RNF112: variants seen among roughly 807,000 people sequenced by gnomAD.
RNF112 encodes ring finger protein 112, also known as brain finger protein.
A neutral mutation model predicts 64.7 loss-of-function variants in RNF112; 34 were observed. That is an observed-to-expected ratio of 0.53 (90% CI 0.40 to 0.70). RNF112 has a LOEUF of 0.70. RNF112 is among the 30% of genes least tolerant of loss of function. The probability of loss-of-function intolerance (pLI) is 0.00; values close to 1 mark genes in which losing one functional copy is unlikely to be tolerated. For synonymous variants in RNF112, 345 were observed against 344.5 expected, an observed-to-expected ratio of 1.00 and a Z score of -0.02; for missense variants, 734 against 850.0, an observed-to-expected ratio of 0.86 and a Z score of 1.70.
rs369839165 is a variant in RNF112 at position 19,413,300 on chromosome 17, G to A, written c.609G>A (p.Arg203=). 6.6e-5 allele frequency: 107 copies of A among 1,611,448 alleles called. No individual in the cohort carries two copies. Among genetic ancestry groups the A allele is most frequent in the Non-Finnish European group, 8.7e-5 (103 of 1,178,448 alleles). ...LPGLESGEGG[R]PRGGEASLQG... is the part of the protein sequence containing the mutation. Reference sequence around the variant, plus strand: ...TGCAGGAGTCTGGTGAGGGCGGCCGGCCAAGAGGAGGAGAGGCATCCCTGC... The same window carrying A: ...TGCAGGAGTCTGGTGAGGGCGGCCGACCAAGAGGAGGAGAGGCATCCCTGC... The change falls in exon 5 of 14, where the codon CGG becomes CGA. Residue 203 remains arginine, a synonymous_variant. Coordinates refer to ENST00000461366, the MANE Select transcript of RNF112 (RefSeq NM_007148.5). This position sits in a 1 kb window ranked among gnomAD's most constrained non-coding sequence, Gnocchi z 5.9.
rs1913864049 is a variant in RNF112, at chr17:19,415,716, C to G, written c.1437C>G (p.Thr479=). 1 of 1,608,530 alleles carries G rather than the reference C, an allele frequency of 6.2e-7. No homozygotes were observed. The highest frequency in any genetic ancestry group is 1.3e-5 in the African/African-American group (1 of 74,808). ...EEYVRQQDVA[T]KRIFSALRVL... ...CCTCCCTGTCACAGGACGTAGCCACCAAGCGCATATTCTCTGCGCTGCGGG... is the reference window on the plus strand; with the variant it reads ...CCTCCCTGTCACAGGACGTAGCCACGAAGCGCATATTCTCTGCGCTGCGGG... The change falls in exon 14 of 14, where the codon ACC becomes ACG. Residue 479 remains threonine (T), a synonymous_variant. Transcript: ENST00000461366. This position sits in a 1 kb window ranked among gnomAD's most constrained non-coding sequence, Gnocchi z 7.8.
rs1598137986 is a variant in RNF112 at position 19,416,277 on chromosome 17, T to C, written c.*102T>C. ...TGCCAGGGATTCCAAGGCACCGCCATGTACTGCACTGCCCTGGTCGAATGC... is the reference window on the plus strand; with the variant it reads ...TGCCAGGGATTCCAAGGCACCGCCACGTACTGCACTGCCCTGGTCGAATGC... On this transcript the variant is annotated 3_prime_UTR_variant, in exon 14 of 14. Transcript: ENST00000461366. 3 of 1,075,736 alleles carry C rather than the reference T, an allele frequency of 2.8e-6. No individual in the cohort carries two copies. The highest frequency in any genetic ancestry group is 2.6e-5 in the East Asian group (1 of 38,412). The allele number at this position is 1,075,736 out of a possible 1,614,324, so 66.6% of individuals were successfully genotyped here. A position where few individuals can be genotyped will look rare whatever the true frequency, so the allele number is the denominator to read the frequency against.
rs1567937426 is a variant in RNF112, at chr17:19,415,942, G to GGGGGTGCTGTGT, written c.1666_1667insGTGCTGTGTGGG (p.Gly555_Ala556insGlyAlaValTrp). ...CCTAGCTGCTGTGGGGGGTGCTGTG[G>GGGGGTGCTGTGT]GGGCCGGGCTCATGGGCCTGGCAGG... is the stretch of plus-strand genomic sequence containing the variant. On this transcript the variant is annotated inframe_insertion, in exon 14 of 14. Coordinates refer to ENST00000461366, the MANE Select transcript of RNF112 (RefSeq NM_007148.5). This position sits in a 1 kb window ranked among gnomAD's most constrained non-coding sequence, Gnocchi z 7.8. The GGGGGTGCTGTGT allele has an allele frequency of 6.2e-7, 1 of 1,606,066 alleles. No homozygotes were observed. Among genetic ancestry groups the GGGGGTGCTGTGT allele is most frequent in the South Asian group, 1.1e-5 (1 of 90,190 alleles).
rs1913776872 is a variant in RNF112 at position 19,414,106 on chromosome 17, C to G, written c.837C>G (p.Thr279=). The change falls in exon 7 of 14, where the codon ACC becomes ACG. Residue 279 remains threonine (T), a synonymous_variant. Coordinates refer to ENST00000461366, the MANE Select transcript of RNF112 (RefSeq NM_007148.5). ...CTCTCTGATTCCAGATCCTCAGCAC[C>G]TCCCAGGAGCTGAAGGATACAGACC... The part of the protein sequence containing the change: ...TMLSSYQILS[T]SQELKDTDLD... 6.2e-7 allele frequency: 1 copy of G among 1,602,908 alleles called. No homozygotes were observed. Among genetic ancestry groups the G allele is most frequent in the African/African-American group, 1.3e-5 (1 of 74,762 alleles).
In RNF112 at chr17:19,413,914, C is replaced by T. The variant is rs1676290152; in HGVS notation, c.826-181C>T. Among the ~76,000 whole-genome samples the T allele has an allele frequency of 6.6e-6, 1 of 152,186 alleles. No homozygotes were observed. The highest frequency in any genetic ancestry group is 1.5e-5 in the Non-Finnish European group (1 of 68,008). The stretch of plus-strand genomic sequence containing the variant: ...AAGACCTGATGGATCACATTACCCT[C>T]CAGGCTTGTCTCCGGCCTTGAGGCC... On this transcript the variant is annotated intron_variant, in intron 6 of 13. Transcript: ENST00000461366. This position sits in a 1 kb window ranked among gnomAD's most constrained non-coding sequence, Gnocchi z 5.9.
In RNF112 at chr17:19,415,250, C is replaced by T. The variant is rs1913834138; in HGVS notation, c.1297-36C>T. 6.3e-7 allele frequency: 1 copy of T among 1,596,656 alleles called. No homozygotes were observed. The highest frequency in any genetic ancestry group is 1.4e-5 in the African/African-American group (1 of 73,584). On this transcript the variant is annotated intron_variant, in intron 11 of 13. Transcript: ENST00000461366. This position sits in a 1 kb window ranked among gnomAD's most constrained non-coding sequence, Gnocchi z 7.8. ...AGACCCAGGCGACTCGGCTGGGCCCCTGCTCTCCCTGACCCCAGCGATGGT... is the reference window on the plus strand; with the variant it reads ...AGACCCAGGCGACTCGGCTGGGCCCTTGCTCTCCCTGACCCCAGCGATGGT...
In RNF112 at chr17:19,414,615, C is replaced by A. The variant is rs1225650722; in HGVS notation, c.963C>A (p.Ser321=). 3.1e-6 allele frequency: 5 copies of A among 1,613,668 alleles called. No individual in the cohort carries two copies. The South Asian group carries it at 5.5e-5, about 18-fold the overall frequency. Residue 321 remains serine, a synonymous_variant, in exon 9 of 14, where the codon TCC becomes TCA. Coordinates refer to ENST00000461366, the MANE Select transcript of RNF112 (RefSeq NM_007148.5). ...QHLDLLVRDS[S]HPNKAGQGHV... is the part of the protein sequence containing the mutation. ...TGGACCTCTTAGTTCGTGACTCATCCCACCCCAACAAGGCAGGGCAGGGGC... is the reference window on the plus strand; with the variant it reads ...TGGACCTCTTAGTTCGTGACTCATCACACCCCAACAAGGCAGGGCAGGGGC...
In RNF112 at chr17:19,413,952, C is replaced by A. The variant is rs1913771601; in HGVS notation, c.826-143C>A. 4.3e-6 allele frequency: 3 copies of A among 694,566 alleles called. No homozygotes were observed. 43.0% of individuals were successfully genotyped at this position (694,566 alleles called of 1,614,324 possible). On this transcript the variant is annotated intron_variant, in intron 6 of 13. Coordinates refer to ENST00000461366, the MANE Select transcript of RNF112 (RefSeq NM_007148.5). This position sits in a 1 kb window ranked among gnomAD's most constrained non-coding sequence, Gnocchi z 5.9. ...CGGCCTTGAGGCCAGCCCAGCCCTG[C>A]AGCCTTCGAGGCCCCCATACTGGCC... is the stretch of plus-strand genomic sequence containing the variant.
Position 19,412,836 on chromosome 17 carries a change from C to A in RNF112, c.381+53C>A, listed in dbSNP as rs1266564097. On this transcript the variant is annotated intron_variant, in intron 3 of 13. Coordinates refer to ENST00000461366, the MANE Select transcript of RNF112 (RefSeq NM_007148.5). This position sits in a 1 kb window ranked among gnomAD's most constrained non-coding sequence, Gnocchi z 5.1. ...ACCCAAGAGGAGGGGGTGGCTTTGG[C>A]CCTATTCTAGAACATCAGGACACAG... The A allele has an allele frequency of 3.8e-6, 6 of 1,591,754 alleles. No homozygotes were observed. The highest frequency in any genetic ancestry group is 5.1e-6 in the Non-Finnish European group (6 of 1,173,088).
At position 19,412,735 on chromosome 17, in the gene RNF112, C is replaced by A. The variant is rs1358271820; in HGVS notation, c.333C>A (p.Gly111=). ...CKQKRGLRSL[G]EKMKLLPQRP... The stretch of plus-strand genomic sequence containing the variant: ...AGAAGAGGGGCCTCCGGAGCCTGGG[C>A]GAGAAGATGAAGCTCCTGCCGCAGC... Residue 111 remains glycine (G), a synonymous_variant, in exon 3 of 14, where the codon GGC becomes GGA. Transcript: ENST00000461366. This position sits in a 1 kb window ranked among gnomAD's most constrained non-coding sequence, Gnocchi z 5.1. The A allele has an allele frequency of 6.2e-7, 1 of 1,612,974 alleles. No individual in the cohort carries two copies. The highest frequency in any genetic ancestry group is 1.7e-5 in the Admixed American group (1 of 59,920).
At chr17:19,414,539 G>A in intron 8 of RNF112, 34 bp downstream of exon 8, 3 of 1,613,958 alleles carry the variant, frequency 1.9e-6, no homozygotes, top group Non-Finnish European at 2.5e-6. Flanking sequence ...ATTGGCCCCA[G>A]GCCCCGCCAC....
rs370310090 is a variant in RNF112, at chr17:19,415,361, G to C, written c.1350+22G>C. On this transcript the variant is annotated intron_variant, in intron 12 of 13. Coordinates refer to ENST00000461366, the MANE Select transcript of RNF112 (RefSeq NM_007148.5). This position sits in a 1 kb window ranked among gnomAD's most constrained non-coding sequence, Gnocchi z 7.8. ...TGAGGTATGAGCGCTGGGGGATCCAGCATTCTGGCAGGGAGACAGGGGAGG... is the reference window on the plus strand; with the variant it reads ...TGAGGTATGAGCGCTGGGGGATCCACCATTCTGGCAGGGAGACAGGGGAGG... The C allele has an allele frequency of 1.6e-4, 253 of 1,583,442 alleles. No homozygotes were observed. Among genetic ancestry groups the C allele is most frequent in the Non-Finnish European group, 1.9e-4 (218 of 1,164,686 alleles).
Position 19,412,526 on chromosome 17 carries a change from C to A in RNF112, c.124C>A (p.Leu42Ile), listed in dbSNP as rs375545681. The A allele has an allele frequency of 1.8e-4, 298 of 1,613,282 alleles. No homozygotes were observed. Among genetic ancestry groups the A allele is most frequent in the Non-Finnish European group, 2.4e-4 (278 of 1,179,762 alleles). Reference protein sequence around the residue: ...WSHTPFPKLELGLGPQPMAPR... With the variant: ...WSHTPFPKLEIGLGPQPMAPR... ...CCATACACCTTTCCCCAAGTTGGAGCTAGGCCTGGGGCCCCAGCCCATGGC... is the reference window on the plus strand; with the variant it reads ...CCATACACCTTTCCCCAAGTTGGAGATAGGCCTGGGGCCCCAGCCCATGGC... Residue 42 changes from leucine to isoleucine, a missense_variant, in exon 3 of 14, where the codon CTA becomes ATA. Leu to Ile is a conservative substitution (Grantham distance 5, BLOSUM62 2). Coordinates refer to ENST00000461366, the MANE Select transcript of RNF112 (RefSeq NM_007148.5). This position sits in a 1 kb window ranked among gnomAD's most constrained non-coding sequence, Gnocchi z 5.1.
chr17:19,416,293 G>T lies in RNF112; in HGVS notation c.*118G>T. Reference sequence around the variant, plus strand: ...GCACCGCCATGTACTGCACTGCCCTGGTCGAATGCTCGGTGTCTGGGTGGC... The same window carrying T: ...GCACCGCCATGTACTGCACTGCCCTTGTCGAATGCTCGGTGTCTGGGTGGC... On this transcript the variant is annotated 3_prime_UTR_variant, in exon 14 of 14. Coordinates refer to ENST00000461366, the MANE Select transcript of RNF112 (RefSeq NM_007148.5). The T allele has an allele frequency of 1.0e-6, 1 of 961,920 alleles. No individual in the cohort carries two copies. The highest frequency in any genetic ancestry group is 1.5e-6 in the Non-Finnish European group (1 of 672,008). The allele number at this position is 961,920 out of a possible 1,614,324, so 59.6% of individuals were successfully genotyped here.
chr17:19,414,040 G>A (rs371513164), intron 6 of RNF112, 55 bp from the exon 7 acceptor site: 6 of 1,522,922 alleles, frequency 3.9e-6, no homozygotes, highest in African/African-American at 2.7e-5. Context: ...GCCTTCCCCA[G>A]TGAAGTCACC....
rs1050295774 is a variant in RNF112, at chr17:19,412,656, G to A, written c.254G>A (p.Arg85His). 5 of 1,613,330 alleles carry A rather than the reference G, an allele frequency of 3.1e-6. No homozygotes were observed. Among genetic ancestry groups the A allele is most frequent in the African/African-American group, 1.3e-5 (1 of 74,846 alleles). ...TGCATACGGTGCTTCAGCACACACC[G>A]TCTCCCGGGCTGTGAGCCGCCCTGC... is the stretch of plus-strand genomic sequence containing the variant. ...DFCIRCFSTH[R>H]LPGCEPPCCP... Residue 85 changes from arginine (R) to histidine (H), a missense_variant, in exon 3 of 14, where the codon CGT becomes CAT. Arg to His is a conservative substitution (Grantham distance 29). Coordinates refer to ENST00000461366, the MANE Select transcript of RNF112 (RefSeq NM_007148.5). This position sits in a 1 kb window ranked among gnomAD's most constrained non-coding sequence, Gnocchi z 5.1.
rs1431189239 is a variant in RNF112, at chr17:19,412,516, C to A, written c.114C>A (p.Pro38=). 2 of 1,613,140 alleles carry A rather than the reference C, an allele frequency of 1.2e-6. No individual in the cohort carries two copies. Among genetic ancestry groups the A allele is most frequent in the African/African-American group, 2.7e-5 (2 of 74,854 alleles). The change falls in exon 3 of 14, where the codon CCC becomes CCA. Residue 38 remains proline, a synonymous_variant. Coordinates refer to ENST00000461366, the MANE Select transcript of RNF112 (RefSeq NM_007148.5). This position sits in a 1 kb window ranked among gnomAD's most constrained non-coding sequence, Gnocchi z 5.1. ...CCCACAGGTCCCATACACCTTTCCC[C>A]AAGTTGGAGCTAGGCCTGGGGCCCC... ...SGNSWSHTPF[P]KLELGLGPQP...
chr17:19,415,861 C>G lies in RNF112; in HGVS notation c.1582C>G (p.Leu528Val). 6.2e-7 allele frequency: 1 copy of G among 1,613,810 alleles called. No homozygotes were observed. Among genetic ancestry groups the G allele is most frequent in the South Asian group, 1.1e-5 (1 of 91,078 alleles). ...GACCTTGGAGGCACTGGAAGCTGAGCTGCAGGCCACGGCCAAGGCCTTCAT... is the reference window on the plus strand; with the variant it reads ...GACCTTGGAGGCACTGGAAGCTGAGGTGCAGGCCACGGCCAAGGCCTTCAT... ...DQTLEALEAE[L>V]QATAKAFMDS... is the part of the protein sequence containing the mutation. Residue 528 changes from leucine to valine, a missense_variant, in exon 14 of 14, where the codon CTG becomes GTG. Physicochemically the swap from Leu to Val is conservative, Grantham distance 32. Coordinates refer to ENST00000461366, the MANE Select transcript of RNF112 (RefSeq NM_007148.5). The surrounding 1 kb of genome is among the most constrained non-coding windows in gnomAD (Gnocchi z 7.8).
chr17:19,413,402 AG>A lies in RNF112; in HGVS notation c.714del (p.Lys239ArgfsTer14). 6.2e-7 allele frequency: 1 copy of A among 1,611,756 alleles called. No individual in the cohort carries two copies. The highest frequency in any genetic ancestry group is 8.5e-7 in the Non-Finnish European group (1 of 1,178,708). ...WSHPFLLGKE[G>X]KKVAVFLVDT... Reference sequence around the variant, plus strand: ...GCCACCCCTTCTTGCTGGGGAAAGAAGGGAAGAAGGTGAGGGGGGAAGTGGC... The same window carrying A: ...GCCACCCCTTCTTGCTGGGGAAAGAAGGAAGAAGGTGAGGGGGGAAGTGGC... On this transcript the variant is annotated frameshift_variant, in exon 5 of 14. Coordinates refer to ENST00000461366, the MANE Select transcript of RNF112 (RefSeq NM_007148.5). LOFTEE classifies it high-confidence loss of function. This position sits in a 1 kb window ranked among gnomAD's most constrained non-coding sequence, Gnocchi z 5.9.
Sources: gnomAD v4.1 joint callset for allele counts (sites outside exome capture counted in the v4.1 genomes callset) on GRCh38, gnomAD v4.1.1 for gene constraint, Gnocchi (gnomAD v3.1) non-coding constraint, MANE v1.5 for transcripts, NCBI Gene and HGNC (gene_info 2026-07-23, HGNC 2026-07-21) for gene names.